Variants in SYNE2 observed in about 807,000 individuals in gnomAD.
The protein encoded by SYNE2 is spectrin repeat containing nuclear envelope protein 2, also known as nesprin-2.
SYNE2 carries 431 observed loss-of-function variants against 856.3 expected under a neutral mutation model. The ratio of observed to expected loss-of-function variants is 0.50; its 90% CI spans 0.47 to 0.55. The LOEUF (loss-of-function observed/expected upper bound fraction) is 0.55, where lower values mean the gene tolerates loss of function less well. Ranked by LOEUF, SYNE2 falls within the 20% of genes least tolerant of loss-of-function variation. The pLI, the probability that SYNE2 is intolerant of heterozygous loss-of-function variation, is 0.00. For synonymous variants in SYNE2, 2,923 were observed against 2,872.3 expected (o/e 1.02, Z -0.56); for missense variants, 8,129 against 8,023.2 (o/e 1.01, Z -0.50).
chr14:63,948,430 G>A (rs1223223730), intron 6 of SYNE2, among the ~76,000 whole-genome samples: 2 of 151,986 alleles, frequency 1.3e-5, no homozygotes, highest in East Asian at 3.9e-4. Context: ...TTGGGAGGCT[G>A]AGGCAGGCAG....
chr14:64,193,173 G>A (rs2098525864), intron 99 of SYNE2, among the ~76,000 whole-genome samples: 1 of 152,220 alleles, frequency 6.6e-6, no homozygotes, highest in Non-Finnish European at 1.5e-5. Context: ...TTGCCCACAG[G>A]ATCCAGGACA....
intron 111 of SYNE2, among the ~76,000 whole-genome samples, chr14:64,221,085 A>G (rs2098692020): frequency 6.6e-6 from 1 of 152,120 alleles, no homozygotes; most frequent in African/African-American, 2.4e-5. Flanking sequence ...AAGAACCTTA[A>G]AAAGGTTCTT....
At chr14:63,969,410 G>A (rs558484030) in intron 11 of SYNE2, among the ~76,000 whole-genome samples, 3 of 144,886 alleles carry the variant, frequency 2.1e-5, no homozygotes, top group South Asian at 2.2e-4. Context: ...GTGCAATCTC[G>A]GCTCACTGCA....
intron 30 of SYNE2, among the ~76,000 whole-genome samples, chr14:64,005,097 A>G (rs1420548207): frequency 6.6e-6 from 1 of 152,216 alleles, no homozygotes; most frequent in Non-Finnish European, 1.5e-5. Context: ...GAGAAGGTGC[A>G]GCAGTGAGGG....
At chr14:64,194,661 A>T (rs994636156) in intron 99 of SYNE2, among the ~76,000 whole-genome samples, 2 of 152,248 alleles carry the variant, frequency 1.3e-5, no homozygotes, top group Non-Finnish European at 2.9e-5. Flanking sequence ...AAGACAGACA[A>T]CTAAATTACA....
chr14:64,017,071 T>C (rs999655341), intron 33 of SYNE2, among the ~76,000 whole-genome samples: 3 of 152,106 alleles, frequency 2.0e-5, no homozygotes, highest in Non-Finnish European at 4.4e-5. Flanking sequence ...GGCTCACATC[T>C]ATAATCCTAG....
chr14:64,008,438 G>A (rs146220680), intron 31 of SYNE2, among the ~76,000 whole-genome samples: 4 of 152,278 alleles, frequency 2.6e-5, no homozygotes, highest in African/African-American at 7.2e-5. Context: ...TGTCAATAAC[G>A]GCTGCGTTTC....
At chr14:63,980,950 T>A (rs1446216797) in intron 15 of SYNE2, 36 bp from the exon 16 acceptor site, 1 of 1,432,366 alleles carries the variant, frequency 7.0e-7, no homozygotes, top group Non-Finnish European at 9.7e-7. Flanking sequence ...AAAAATTGTT[T>A]TCTAAGATTA....
intron 1 of SYNE2, among the ~76,000 whole-genome samples, chr14:63,798,877 C>T (rs1288794094): frequency 6.6e-6 from 1 of 152,120 alleles, no homozygotes; most frequent in Non-Finnish European, 1.5e-5. Flanking sequence ...TGGGTAGGAA[C>T]AGGCCTTGTT....
intron 96 of SYNE2, among the ~76,000 whole-genome samples, chr14:64,181,305 A>G (rs978907126): frequency 6.6e-6 from 1 of 152,230 alleles, no homozygotes; most frequent in African/African-American, 2.4e-5. Context: ...CAAAGTTTTT[A>G]TCATCCCTAC....
chr14:63,953,977 G>T (rs183278123), intron 7 of SYNE2, among the ~76,000 whole-genome samples: 1 of 152,004 alleles, frequency 6.6e-6, no homozygotes, highest in African/African-American at 2.4e-5. Context: ...GCAGTGGTGC[G>T]ATTGTAGCTC....
At chr14:63,794,418 G>GA (rs1887847587) in intron 1 of SYNE2, among the ~76,000 whole-genome samples, 1 of 152,002 alleles carries the variant, frequency 6.6e-6, no homozygotes, top group Admixed American at 6.6e-5. Context: ...TCAAACTCCT[G>GA]GCCTCAAATG....
chr14:64,193,069 A>G (rs1037766450), intron 99 of SYNE2, among the ~76,000 whole-genome samples: 1 of 152,170 alleles, frequency 6.6e-6, no homozygotes, highest in African/African-American at 2.4e-5. Context: ...GGCCTTGTAC[A>G]AAGGAAGGGA....
intron 1 of SYNE2, among the ~76,000 whole-genome samples, chr14:63,894,867 G>A (rs1338382310): frequency 6.6e-6 from 1 of 152,126 alleles, no homozygotes; most frequent in Non-Finnish European, 1.5e-5. Context: ...CTTTCTATGG[G>A]ACTCCGGCTA....
intron 45 of SYNE2, among the ~76,000 whole-genome samples, chr14:64,040,050 T>G (rs1336617971): frequency 6.6e-6 from 1 of 152,208 alleles, no homozygotes; most frequent in Admixed American, 6.5e-5. Flanking sequence ...CTAATTGCAT[T>G]GTGGAGCAGG....
chr14:63,958,883 T>A (rs1314206312), intron 8 of SYNE2, among the ~76,000 whole-genome samples: 2 of 152,248 alleles, frequency 1.3e-5, no homozygotes, highest in African/African-American at 2.4e-5. Context: ...GGTCAATTTT[T>A]TAAAAAGTCC....
chr14:64,140,064 C>A lies in SYNE2; in HGVS notation c.14967C>A (p.Asn4989Lys). 2 of 1,613,546 alleles carry A rather than the reference C, an allele frequency of 1.2e-6. No homozygotes were observed. The highest frequency in any genetic ancestry group is 1.7e-6 in the Non-Finnish European group (2 of 1,179,924). ...TGGATACAATCAGAAGCAACATCAA[C>A]AATTTTTTTGTAAGTTGTAATAGCA... ...QDLDTIRSNI[N>K]NFFEFSKEVD... is the part of the protein sequence containing the mutation. Residue 4989 changes from asparagine to lysine, a missense_variant, in exon 80 of 116, where the codon AAC becomes AAA. Transcript: ENST00000555002.
At chr14:63,923,872 C>T (rs112555563) in intron 2 of SYNE2, among the ~76,000 whole-genome samples, 3,019 of 151,912 alleles carry the variant, frequency 0.02, 97 homozygotes, top group African/African-American at 0.068. Context: ...CATTTCAGCT[C>T]ACTGCAATCT....
intron 21 of SYNE2, among the ~76,000 whole-genome samples, chr14:63,992,526 C>T (rs2096675429): frequency 6.6e-6 from 1 of 152,184 alleles, no homozygotes; most frequent in Admixed American, 6.5e-5. Context: ...AGTGATCCTC[C>T]CATGTCGGTC....
Sources: allele counts gnomAD v4.1 joint callset (sites outside exome capture counted in the v4.1 genomes callset), GRCh38; gene constraint gnomAD v4.1.1; transcripts MANE v1.5; gene names NCBI Gene and HGNC (gene_info 2026-07-23, HGNC 2026-07-21).